Variants in MLLT11 observed in about 807,000 individuals in gnomAD.
The protein encoded by MLLT11 is protein AF1q.
A neutral mutation model predicts 5.3 loss-of-function variants in MLLT11; 1 was observed. The ratio of observed to expected loss-of-function variants is 0.19; its 90% CI spans 0.07 to 0.89. The LOEUF is 0.89. Among genes scored for constraint, MLLT11 ranks in the 40% least tolerant of loss-of-function variants. MLLT11 has a pLI of 0.67. For missense variants in MLLT11, 87 were observed against 107.3 expected (o/e 0.81, Z 0.83); for synonymous variants, 38 against 41.7 (o/e 0.91, Z 0.34).
chr1:151,067,145 A>C, intron 1 of MLLT11, 74 bp from the exon 2 acceptor site: 1 of 1,309,954 alleles, frequency 7.6e-7, no homozygotes, highest in East Asian at 2.3e-5. Context: ...TATGTGGAGT[A>C]TCTAAGCAAG....
At chr1:151,065,943 G>C (rs1176623894) in intron 1 of MLLT11, among the ~76,000 whole-genome samples, 1 of 152,186 alleles carries the variant, frequency 6.6e-6, no homozygotes, top group Non-Finnish European at 1.5e-5. Context: ...CTAGGCTCAA[G>C]TGATTCTCCC....
At chr1:151,061,827 C>T (rs985233788) in intron 1 of MLLT11, among the ~76,000 whole-genome samples, 1 of 152,084 alleles carries the variant, frequency 6.6e-6, no homozygotes, top group African/African-American at 2.4e-5. Flanking sequence ...TTTAATGCCA[C>T]GTATGTTTGC....
chr1:151,061,533 G>A (rs891296777), intron 1 of MLLT11, among the ~76,000 whole-genome samples: 3 of 152,176 alleles, frequency 2.0e-5, no homozygotes, highest in African/African-American at 4.8e-5. Flanking sequence ...ATAGTGGGAA[G>A]CATTTATTGA....
At chr1:151,061,242 G>C (rs145882083) in intron 1 of MLLT11, among the ~76,000 whole-genome samples, 3 of 152,184 alleles carry the variant, frequency 2.0e-5, no homozygotes, top group African/African-American at 7.2e-5. Context: ...CTCTGACTGA[G>C]GCACACATTA....
At chr1:151,065,295 C>A (rs1424632236) in intron 1 of MLLT11, among the ~76,000 whole-genome samples, 2 of 152,136 alleles carry the variant, frequency 1.3e-5, no homozygotes, top group Non-Finnish European at 2.9e-5. Context: ...GGTTTTAGGC[C>A]TTCTGAGTTA....
intron 1 of MLLT11, 136 bp from the exon 2 acceptor site, chr1:151,067,083 A>G: frequency 2.7e-6 from 2 of 734,106 alleles, no homozygotes; most frequent in Non-Finnish European, 2.1e-6. Context: ...AGGATATACA[A>G]TTTTCTTTCT....
rs144462732 is a variant in MLLT11 at position 151,068,818 on chromosome 1, C to T, written c.*1321C>T. Among the ~76,000 whole-genome samples, 24 of 152,334 alleles carry T rather than the reference C, an allele frequency of 1.6e-4. No homozygotes were observed. The East Asian group carries it at 4.6e-3, about 29-fold the overall frequency. ...CAGGCTGGTCTCTAACTCCTGACCTCAGGTGATCTGCCCGCCTTAGCCTCT... is the reference window on the plus strand; with the variant it reads ...CAGGCTGGTCTCTAACTCCTGACCTTAGGTGATCTGCCCGCCTTAGCCTCT... On this transcript the variant is annotated 3_prime_UTR_variant, in exon 2 of 2. Transcript: ENST00000368921.
chr1:151,064,868 T>C (rs1238678319), intron 1 of MLLT11, among the ~76,000 whole-genome samples: 2 of 152,220 alleles, frequency 1.3e-5, no homozygotes, highest in African/African-American at 2.4e-5. Flanking sequence ...TAATTAGATA[T>C]TGCCTTTGCC....
intron 1 of MLLT11, among the ~76,000 whole-genome samples, 178 bp downstream of exon 1, chr1:151,060,731 A>G (rs1676392340): frequency 6.6e-6 from 1 of 152,230 alleles, no homozygotes; most frequent in Non-Finnish European, 1.5e-5. Context: ...TATACAGACC[A>G]TTAATCTCTA....
Position 151,067,550 on chromosome 1 carries a change from C to A in MLLT11, c.*53C>A. ...TGCCCTCATTGTCTTCCCTCTCAAG[C>A]CCCTTCCTTTCCACTCCTTTCCCAT... is the stretch of plus-strand genomic sequence containing the variant. On this transcript the variant is annotated 3_prime_UTR_variant, in exon 2 of 2. Coordinates refer to ENST00000368921, the MANE Select transcript of MLLT11 (RefSeq NM_006818.4). 2 of 1,556,360 alleles carry A rather than the reference C, an allele frequency of 1.3e-6. No homozygotes were observed. Among genetic ancestry groups the A allele is most frequent in the Non-Finnish European group, 1.8e-6 (2 of 1,138,344 alleles).
chr1:151,061,160 G>A (rs1158914338), intron 1 of MLLT11, among the ~76,000 whole-genome samples: 3 of 152,148 alleles, frequency 2.0e-5, no homozygotes, highest in Non-Finnish European at 4.4e-5. Context: ...CTAGGTATGG[G>A]GACAGATTCT....
intron 1 of MLLT11, among the ~76,000 whole-genome samples, chr1:151,060,885 A>G (rs1472515851): frequency 6.6e-6 from 1 of 152,116 alleles, no homozygotes; most frequent in South Asian, 2.1e-4. Context: ...TTTAATTTTT[A>G]GTCCTACTGT....
In MLLT11 at chr1:151,069,305, A is replaced by G. The variant is rs1676533185; in HGVS notation, c.*1808A>G. Among the ~76,000 whole-genome samples, 1 of 152,180 alleles carries G rather than the reference A, an allele frequency of 6.6e-6. No individual in the cohort carries two copies. The highest frequency in any genetic ancestry group is 1.5e-5 in the Non-Finnish European group (1 of 68,036). Reference sequence around the variant, plus strand: ...TAAGGATGACACTATACCCTAAATAAGGATGATCTAGAGAAGTCCCCAGGT... The same window carrying G: ...TAAGGATGACACTATACCCTAAATAGGGATGATCTAGAGAAGTCCCCAGGT... On this transcript the variant is annotated 3_prime_UTR_variant, in exon 2 of 2. Transcript: ENST00000368921.
intron 1 of MLLT11, among the ~76,000 whole-genome samples, chr1:151,061,503 C>T (rs10749659): frequency 0.68 from 103,441 of 151,986 alleles, 36,777 homozygotes; most frequent in East Asian, 0.89. Flanking sequence ...CTAAAATACC[C>T]GGATAATTTA....
intron 1 of MLLT11, among the ~76,000 whole-genome samples, chr1:151,065,523 C>G (rs983176686): frequency 1.3e-5 from 2 of 152,164 alleles, no homozygotes; most frequent in Non-Finnish European, 2.9e-5. Flanking sequence ...ACATAAAATA[C>G]ATTAACAGTG....
At chr1:151,066,350 G>C (rs1168726050) in intron 1 of MLLT11, among the ~76,000 whole-genome samples, 1 of 152,054 alleles carries the variant, frequency 6.6e-6, no homozygotes, top group Non-Finnish European at 1.5e-5. Context: ...TGTTGGACAG[G>C]CTGGTCTCAA....
In MLLT11 at chr1:151,067,940, A is replaced by AT. The variant is rs1162337381; in HGVS notation, c.*446dup. ...GGTGATGAAAACCTCGGAAGTTTTA[A>AT]TTTGAGGTTATCTGCTACGAAACAG... On this transcript the variant is annotated 3_prime_UTR_variant, in exon 2 of 2. Transcript: ENST00000368921. 4.0e-6 allele frequency: 1 copy of AT among 251,808 alleles called. No homozygotes were observed. The highest frequency in any genetic ancestry group is 6.1e-5 in the East Asian group (1 of 16,292). The allele number at this position is 251,808 out of a possible 1,614,324, so 15.6% of individuals were successfully genotyped here. A position where few individuals can be genotyped will look rare whatever the true frequency, so the allele number is the denominator to read the frequency against.
rs587653482 is a variant in MLLT11 at position 151,068,169 on chromosome 1, C to T, written c.*672C>T. ...TCAAAAGAGTGTCCCTTCTTCACAC[C>T]TACTCACTTTACAACTTTGCTCCTA... On this transcript the variant is annotated 3_prime_UTR_variant, in exon 2 of 2. Coordinates refer to ENST00000368921, the MANE Select transcript of MLLT11 (RefSeq NM_006818.4). The T allele has an allele frequency of 3.3e-5, 8 of 240,006 alleles. No individual in the cohort carries two copies. The South Asian group carries it at 1.5e-3, about 44-fold the overall frequency. 14.9% of individuals were successfully genotyped at this position (240,006 alleles called of 1,614,324 possible). A position where few individuals can be genotyped will look rare whatever the true frequency, so the allele number is the denominator to read the frequency against.
At position 151,067,882 on chromosome 1, in the gene MLLT11, T is replaced by C. The variant is rs1229360307; in HGVS notation, c.*385T>C. ...TCCTTAAACCTTCCTAATTTCCTGC[T>C]CCAGGGCAGTAAACACAAATATTTC... On this transcript the variant is annotated 3_prime_UTR_variant, in exon 2 of 2. Transcript: ENST00000368921. 9 of 262,216 alleles carry C rather than the reference T, an allele frequency of 3.4e-5. No individual in the cohort carries two copies. The highest frequency in any genetic ancestry group is 7.1e-5 in the Non-Finnish European group (9 of 127,212). 16.2% of individuals were successfully genotyped at this position (262,216 alleles called of 1,614,324 possible).
Sources: gnomAD v4.1 joint callset for allele counts (sites outside exome capture counted in the v4.1 genomes callset) on GRCh38, gnomAD v4.1.1 for gene constraint, MANE v1.5 for transcripts, NCBI Gene and HGNC (gene_info 2026-07-23, HGNC 2026-07-21) for gene names.